Variants in KIRREL3 observed in about 807,000 individuals in gnomAD.
KIRREL3 encodes kirre like nephrin family adhesion molecule 3.
Under a neutral mutation model 89.7 loss-of-function variants are expected in KIRREL3, and 36 were observed. The ratio of observed to expected loss-of-function variants is 0.40; its 90% CI spans 0.31 to 0.53. KIRREL3 has a LOEUF of 0.53. Among genes scored for constraint, KIRREL3 ranks in the 20% least tolerant of loss-of-function variants. The pLI, the probability that KIRREL3 is intolerant of heterozygous loss-of-function variation, is 0.49. For synonymous variants in KIRREL3, 445 were observed against 441.4 expected (o/e 1.01, Z -0.10); for missense variants, 864 against 1,056.6 (o/e 0.82, Z 2.53).
At position 126,424,526 on chromosome 11, in the gene KIRREL3, C is replaced by G. The variant is rs1209149290; in HGVS notation, c.*54G>C. 15 of 1,566,106 alleles carry G rather than the reference C, an allele frequency of 9.6e-6. No homozygotes were observed. In the South Asian group the frequency reaches 1.7e-4, roughly 18 times the overall value. On this transcript the variant is annotated 3_prime_UTR_variant, in exon 17 of 17. Transcript: ENST00000525144. ...AAAGTACCCCTCGTCCCTGGACAAC[C>G]AGAACGTGCCCTGACCTCTTCCCTG...
intron 2 of KIRREL3, among the ~76,000 whole-genome samples, chr11:126,559,082 G>A (rs1187363803): frequency 1.3e-5 from 2 of 151,888 alleles, no homozygotes; most frequent in Admixed American, 1.3e-4. Flanking sequence ...CTACCCCTGG[G>A]GAAGGCCTCC....
In KIRREL3 at chr11:126,987,736, T is replaced by C. The variant is rs1244112138; in HGVS notation, c.55+12719A>G. Reference sequence around the variant, plus strand: ...TATGCAGAGATCTATCTTCCTTGCATTCCTCCTCTGTATTGCTCTGATTCG... The same window carrying C: ...TATGCAGAGATCTATCTTCCTTGCACTCCTCCTCTGTATTGCTCTGATTCG... On this transcript the variant is annotated intron_variant, in intron 1 of 16. Transcript: ENST00000525144. The surrounding 1 kb of genome is among the most constrained non-coding windows in gnomAD (Gnocchi z 4.6). Among the ~76,000 whole-genome samples, 1 of 152,240 alleles carries C rather than the reference T, an allele frequency of 6.6e-6. No individual in the cohort carries two copies. The highest frequency in any genetic ancestry group is 1.5e-5 in the Non-Finnish European group (1 of 68,038).
In KIRREL3 at chr11:126,558,761, C is replaced by T. The variant is rs1939888865; in HGVS notation, c.133+4074G>A. ...TGAGAAGGTGAGTGGTCTGGATCTC[C>T]AGGAGAGAGAGGTCATAAAGGGGGA... On this transcript the variant is annotated intron_variant, in intron 2 of 16. Transcript: ENST00000525144. This position sits in a 1 kb window ranked among gnomAD's most constrained non-coding sequence, Gnocchi z 4.0. Among the ~76,000 whole-genome samples, 1 of 151,956 alleles carries T rather than the reference C, an allele frequency of 6.6e-6. No individual in the cohort carries two copies. Among genetic ancestry groups the T allele is most frequent in the Non-Finnish European group, 1.5e-5 (1 of 67,978 alleles).
intron 2 of KIRREL3, among the ~76,000 whole-genome samples, chr11:126,539,186 G>A (rs1338605754): frequency 6.6e-6 from 1 of 152,126 alleles, no homozygotes; most frequent in Non-Finnish European, 1.5e-5. Context: ...GAATGAAATA[G>A]GTCATTCTCT....
intron 1 of KIRREL3, among the ~76,000 whole-genome samples, chr11:126,727,031 A>G (rs4099577): frequency 0.1 from 15,875 of 151,936 alleles, 991 homozygotes; most frequent in African/African-American, 0.17. Context: ...GCCTACCTTC[A>G]CTCATCTAGA....
At chr11:126,444,948 C>G in intron 10 of KIRREL3, 31 bp downstream of exon 10, 6 of 1,612,006 alleles carry the variant, frequency 3.7e-6, no homozygotes, top group Non-Finnish European at 5.1e-6. Flanking sequence ...TTCCCTCCCT[C>G]AGGCCTGGCT....
intron 2 of KIRREL3, among the ~76,000 whole-genome samples, chr11:126,533,659 C>T (rs1190209410): frequency 1.3e-5 from 2 of 152,312 alleles, no homozygotes; most frequent in East Asian, 3.9e-4. Flanking sequence ...ACCATTTGGA[C>T]TGGACAAGCC....
rs572243973 is a variant in KIRREL3 at position 126,867,825 on chromosome 11, T to G, written c.55+132630A>C. On this transcript the variant is annotated intron_variant, in intron 1 of 16. Coordinates refer to ENST00000525144, the MANE Select transcript of KIRREL3 (RefSeq NM_032531.4). This position sits in a 1 kb window ranked among gnomAD's most constrained non-coding sequence, Gnocchi z 4.7. ...AGTCCAGTATGACTTCTAAGGTAAT[T>G]GATTTTTAGGTTTGAGTTTAGTTCT... is the stretch of plus-strand genomic sequence containing the variant. Among the ~76,000 whole-genome samples the G allele has an allele frequency of 1.3e-5, 2 of 152,278 alleles. No individual in the cohort carries two copies. The highest frequency in any genetic ancestry group is 2.1e-4 in the South Asian group (1 of 4,812).
chr11:126,425,137 G>A, intron 16 of KIRREL3, 114 bp from the exon 17 acceptor site: 1 of 1,004,154 alleles, frequency 1.0e-6, no homozygotes, highest in Non-Finnish European at 1.4e-6. Context: ...GAAAACAGGA[G>A]GAAGGGAGCA....
Position 126,425,702 on chromosome 11 carries a change from T to G in KIRREL3, c.1829A>C (p.Gln610Pro). ...QLMMDRGEFQQDSVLKQLEVL... is the reference protein window; with the variant it reads ...QLMMDRGEFQPDSVLKQLEVL... ...CTCCAGCTGTTTCAGGACTGAGTCT[T>G]GCTGGAATTCACCCCGGTCCATCTG... The change falls in exon 16 of 17, where the codon CAA becomes CCA. Residue 610 changes from glutamine to proline, a missense_variant. Coordinates refer to ENST00000525144, the MANE Select transcript of KIRREL3 (RefSeq NM_032531.4). 6.3e-7 allele frequency: 1 copy of G among 1,598,184 alleles called. No individual in the cohort carries two copies. The highest frequency in any genetic ancestry group is 8.5e-7 in the Non-Finnish European group (1 of 1,171,756).
intron 1 of KIRREL3, among the ~76,000 whole-genome samples, chr11:126,672,750 G>C (rs1308543376): frequency 1.3e-5 from 2 of 152,176 alleles, no homozygotes; most frequent in Non-Finnish European, 2.9e-5. Flanking sequence ...TAGGGAATTT[G>C]CTATCTAGTC....
At chr11:126,695,135 G>A (rs1346842478) in intron 1 of KIRREL3, among the ~76,000 whole-genome samples, 3 of 152,114 alleles carry the variant, frequency 2.0e-5, no homozygotes, top group Non-Finnish European at 2.9e-5. Context: ...GAGACCGTGG[G>A]GCCCACAAAG....
chr11:126,620,566 C>T lies in KIRREL3; in HGVS notation c.56-57654G>A, dbSNP rs1434307594. ...GTGTATGCATTTCTAGGAGGAGAGT[C>T]CATAGCTCTCATTAAAGTCTCAAGC... On this transcript the variant is annotated intron_variant, in intron 1 of 16. Transcript: ENST00000525144. This position sits in a 1 kb window ranked among gnomAD's most constrained non-coding sequence, Gnocchi z 4.8. 1.3e-5 allele frequency among the ~76,000 whole-genome samples: 2 copies of T among 152,102 alleles called. No homozygotes were observed. Among genetic ancestry groups the T allele is most frequent in the Non-Finnish European group, 2.9e-5 (2 of 68,014 alleles).
chr11:126,604,412 G>A (rs545513713), intron 1 of KIRREL3, among the ~76,000 whole-genome samples: 26 of 152,296 alleles, frequency 1.7e-4, no homozygotes, highest in Admixed American at 1.6e-3. Context: ...GCCATTTGTT[G>A]AACATGTACC....
At chr11:126,887,813 A>G (rs1393084199) in intron 1 of KIRREL3, among the ~76,000 whole-genome samples, 2 of 152,248 alleles carry the variant, frequency 1.3e-5, no homozygotes, top group Admixed American at 6.5e-5. Flanking sequence ...ATATTAGAAA[A>G]ATGAAGATAG....
At chr11:126,849,531 T>G (rs1295910010) in intron 1 of KIRREL3, among the ~76,000 whole-genome samples, 1 of 152,150 alleles carries the variant, frequency 6.6e-6, no homozygotes, top group Non-Finnish European at 1.5e-5. Flanking sequence ...ACCACACAGT[T>G]TGGGAAAGGA....
intron 1 of KIRREL3, among the ~76,000 whole-genome samples, chr11:126,851,936 G>A (rs555001651): frequency 6.6e-6 from 1 of 152,324 alleles, no homozygotes; most frequent in East Asian, 1.9e-4. Flanking sequence ...AGTAGGGCGG[G>A]TGGAAGTCAG....
At chr11:126,456,040 T>TG (rs1491250573) in intron 7 of KIRREL3, among the ~76,000 whole-genome samples, 3 of 45,712 alleles carry the variant, frequency 6.6e-5, no homozygotes, top group Non-Finnish European at 1.0e-4. Context: ...TTTGTTTTCG[T>TG]TTTTTTTTTT....
At position 126,475,410 on chromosome 11, in the gene KIRREL3, G is replaced by A. The variant is rs1206646119; in HGVS notation, c.434-1944C>T. Among the ~76,000 whole-genome samples the A allele has an allele frequency of 3.3e-5, 5 of 152,212 alleles. No homozygotes were observed. The highest frequency in any genetic ancestry group is 1.2e-4 in the African/African-American group (5 of 41,460). On this transcript the variant is annotated intron_variant, in intron 4 of 16. Coordinates refer to ENST00000525144, the MANE Select transcript of KIRREL3 (RefSeq NM_032531.4). The surrounding 1 kb of genome is among the most constrained non-coding windows in gnomAD (Gnocchi z 7.5). ...CCAGTGGGGGCCGGTAAGAAGCCAAGAAGCAAACCTTCAGAACAGCTGCCT... is the reference window on the plus strand; with the variant it reads ...CCAGTGGGGGCCGGTAAGAAGCCAAAAAGCAAACCTTCAGAACAGCTGCCT...
Sources: gnomAD v4.1 joint callset for allele counts (sites outside exome capture counted in the v4.1 genomes callset) on GRCh38, gnomAD v4.1.1 for gene constraint, Gnocchi (gnomAD v3.1) non-coding constraint, MANE v1.5 for transcripts, NCBI Gene and HGNC (gene_info 2026-07-23, HGNC 2026-07-21) for gene names.